The following DTNA variants were observed in gnomAD, a reference collection of about 807,000 sequenced individuals.
DTNA encodes the protein dystrobrevin alpha, also known as dystrophin-related protein 3.
In DTNA, 43 loss-of-function variants were observed where a neutral mutation model predicts 100.7. The observed-to-expected ratio is 0.43, with a 90% CI of 0.33 to 0.55. DTNA has a LOEUF of 0.55. DTNA is among the 20% of genes least tolerant of loss of function. The pLI is 0.04. For missense variants in DTNA, 798 were observed against 953.9 expected, an observed-to-expected ratio of 0.84 and a Z score of 2.15; for synonymous variants, 349 against 347.9, an observed-to-expected ratio of 1.00 and a Z score of -0.04.
At chr18:34,825,398 T>A in intron 9 of DTNA, 1 of 1,219,452 alleles carries the variant, frequency 8.2e-7, no homozygotes, top group Non-Finnish European at 1.2e-6. Context: ...TCTTATGCTG[T>A]ACACTCAGTT....
intron 1 of DTNA, among the ~76,000 whole-genome samples, chr18:34,554,253 A>C (rs2045778830): frequency 7.8e-6 from 1 of 128,658 alleles, no homozygotes; most frequent in South Asian, 2.4e-4. Flanking sequence ...GAAGTTGCTT[A>C]TCAGCTTAAG....
At chr18:34,750,213 TG>T (rs2094938506) in intron 1 of DTNA, among the ~76,000 whole-genome samples, 1 of 152,324 alleles carries the variant, frequency 6.6e-6, no homozygotes, top group African/African-American at 2.4e-5. Flanking sequence ...GTCCTGCTTT[TG>T]TGGATTTTAA....
intron 1 of DTNA, among the ~76,000 whole-genome samples, chr18:34,693,687 T>C (rs1202940017): frequency 1.3e-5 from 2 of 152,114 alleles, no homozygotes; most frequent in Non-Finnish European, 2.9e-5. Context: ...GCTGGTCATA[T>C]GTGTGAGAAA....
chr18:34,737,177 G>A (rs972530419), intron 1 of DTNA, among the ~76,000 whole-genome samples: 1 of 152,096 alleles, frequency 6.6e-6, no homozygotes, highest in Non-Finnish European at 1.5e-5. Context: ...ATACATAAAA[G>A]GCTATCTTAA....
intron 18 of DTNA, 96 bp from the exon 19 acceptor site, chr18:34,877,623 T>C: frequency 9.2e-7 from 1 of 1,092,660 alleles, no homozygotes; most frequent in South Asian, 1.4e-5. Context: ...GAAGTTTTCT[T>C]GCTTTAGGTT....
At chr18:34,501,240 C>G (rs1601158640) in intron 1 of DTNA, among the ~76,000 whole-genome samples, 1 of 152,138 alleles carries the variant, frequency 6.6e-6, no homozygotes, top group Non-Finnish European at 1.5e-5. Context: ...TCTTCTTTAG[C>G]TTCTTTATAT....
At chr18:34,568,944 C>T (rs1396131917) in intron 1 of DTNA, among the ~76,000 whole-genome samples, 3 of 152,176 alleles carry the variant, frequency 2.0e-5, no homozygotes, top group African/African-American at 7.2e-5. Flanking sequence ...TGATAATTAA[C>T]TAATCAAATA....
intron 1 of DTNA, among the ~76,000 whole-genome samples, chr18:34,598,389 A>G (rs2051073478): frequency 6.6e-6 from 1 of 152,210 alleles, no homozygotes; most frequent in Non-Finnish European, 1.5e-5. Flanking sequence ...GTTAAATAGC[A>G]CAATGGGAAA....
intron 21 of DTNA, among the ~76,000 whole-genome samples, chr18:34,883,835 A>G (rs1326583055): frequency 6.6e-6 from 1 of 152,234 alleles, no homozygotes; most frequent in Non-Finnish European, 1.5e-5. Flanking sequence ...TTGCCTTTTC[A>G]GTTTAACGAC....
chr18:34,702,703 T>C (rs906452474), intron 1 of DTNA, among the ~76,000 whole-genome samples: 9 of 152,198 alleles, frequency 5.9e-5, no homozygotes, highest in Non-Finnish European at 1.0e-4. Flanking sequence ...TTTTTTTCTC[T>C]TTTACATAAA....
intron 1 of DTNA, among the ~76,000 whole-genome samples, chr18:34,617,004 CA>C (rs2055433546): frequency 6.6e-6 from 1 of 152,064 alleles, no homozygotes; most frequent in Non-Finnish European, 1.5e-5. Flanking sequence ...TGTTGTTTAT[CA>C]TATCTAATAT....
chr18:34,864,314 A>G (rs911711711), intron 17 of DTNA, among the ~76,000 whole-genome samples: 5 of 143,830 alleles, frequency 3.5e-5, no homozygotes, highest in Admixed American at 7.4e-5. Flanking sequence ...GCAGTGGCGC[A>G]GTCTCGGCTC....
chr18:34,591,230 A>C (rs2049690679), intron 1 of DTNA, among the ~76,000 whole-genome samples: 1 of 152,170 alleles, frequency 6.6e-6, no homozygotes, highest in African/African-American at 2.4e-5. Flanking sequence ...TAAGATGTAT[A>C]ATGATTTTTT....
chr18:34,646,916 A>G (rs369499653), intron 1 of DTNA, among the ~76,000 whole-genome samples: 2 of 148,662 alleles, frequency 1.3e-5, no homozygotes, highest in South Asian at 2.1e-4. Context: ...GGGTTTCTCC[A>G]TGTTGGCTAA....
chr18:34,498,640 A>G (rs1456603150), intron 1 of DTNA, among the ~76,000 whole-genome samples: 1 of 152,028 alleles, frequency 6.6e-6, no homozygotes. Context: ...ATTTGACAGC[A>G]AGTGAAAGTC....
At chr18:34,631,169 G>A (rs530364502) in intron 1 of DTNA, among the ~76,000 whole-genome samples, 4 of 152,126 alleles carry the variant, frequency 2.6e-5, no homozygotes, top group East Asian at 3.8e-4. Flanking sequence ...CACACGTAGC[G>A]CTTGGGTTCA....
chr18:34,685,204 A>G (rs1387384623), intron 1 of DTNA, among the ~76,000 whole-genome samples: 1 of 152,154 alleles, frequency 6.6e-6, no homozygotes, highest in Non-Finnish European at 1.5e-5. Flanking sequence ...TTAGTCATGA[A>G]GTCTTTGCCC....
chr18:34,838,963 T>C (rs2096212784), intron 13 of DTNA, 126 bp downstream of exon 13: 2 of 774,490 alleles, frequency 2.6e-6, no homozygotes, highest in African/African-American at 1.7e-5. Flanking sequence ...TGTTAACTGG[T>C]TCAGTTAAGA....
chr18:34,641,350 C>T (rs2059258360), intron 1 of DTNA, among the ~76,000 whole-genome samples: 1 of 152,116 alleles, frequency 6.6e-6, no homozygotes, highest in Admixed American at 6.6e-5. Flanking sequence ...GGAAATTTCT[C>T]CTCTCCAGCA....
Sources: allele counts gnomAD v4.1 joint callset (sites outside exome capture counted in the v4.1 genomes callset), GRCh38; gene constraint gnomAD v4.1.1; transcripts MANE v1.5; gene names NCBI Gene and HGNC (gene_info 2026-07-23, HGNC 2026-07-21).